PLEKHG2: variants seen among roughly 807,000 people sequenced by gnomAD.
PLEKHG2 encodes pleckstrin homology domain-containing family G member 2.
In PLEKHG2, 71 loss-of-function variants were observed where a neutral mutation model predicts 104.4. The observed-to-expected ratio is 0.68, with a 90% CI of 0.56 to 0.83. The LOEUF is 0.83. PLEKHG2 is among the 40% of genes least tolerant of loss of function. The pLI, the probability that PLEKHG2 is intolerant of heterozygous loss-of-function variation, is 0.00. For synonymous variants in PLEKHG2, 728 were observed against 737.0 expected (o/e 0.99, Z 0.20); for missense variants, 1,730 against 1,809.4 (o/e 0.96, Z 0.80).
intron 11 of PLEKHG2, among the ~76,000 whole-genome samples, chr19:39,419,752 C>T (rs1268051321): frequency 2.0e-5 from 3 of 152,096 alleles, no homozygotes; most frequent in Non-Finnish European, 4.4e-5. Context: ...TGGCAGGTGC[C>T]CGTAGTCCCA....
chr19:39,416,859 C>T lies in PLEKHG2; in HGVS notation c.603C>T (p.Ala201=), dbSNP rs2078613324. 1 of 1,605,996 alleles carries T rather than the reference C, an allele frequency of 6.2e-7. No individual in the cohort carries two copies. The highest frequency in any genetic ancestry group is 1.3e-5 in the African/African-American group (1 of 74,726). The change falls in exon 7 of 19, where the codon GCC becomes GCT. Residue 201 remains alanine (A), a synonymous_variant. Coordinates refer to ENST00000425673, the MANE Select transcript of PLEKHG2 (RefSeq NM_022835.3). The surrounding 1 kb of genome is among the most constrained non-coding windows in gnomAD (Gnocchi z 4.5). ...LYCMNYPSSL[A]LLRELSLSPP... ...TGTGCTGTGCCCCCAGCTCCCTGGC[C>T]CTGCTCCGGGAGCTGTCGTTGTCTC...
Position 39,416,802 on chromosome 19 carries a change from C to T in PLEKHG2, c.594-48C>T. 6.4e-7 allele frequency: 1 copy of T among 1,554,262 alleles called. No individual in the cohort carries two copies. The highest frequency in any genetic ancestry group is 1.2e-5 in the South Asian group (1 of 82,846). On this transcript the variant is annotated intron_variant, in intron 6 of 18. Coordinates refer to ENST00000425673, the MANE Select transcript of PLEKHG2 (RefSeq NM_022835.3). This position sits in a 1 kb window ranked among gnomAD's most constrained non-coding sequence, Gnocchi z 4.5. ...GGCCCCTCCCTAACCCCTCTTGACC[C>T]CGCCCACTGGAACTGACAATCCCCA... is the stretch of plus-strand genomic sequence containing the variant.
chr19:39,425,097 C>T lies in PLEKHG2; in HGVS notation c.3964C>T (p.Gln1322Ter), dbSNP rs2146024411. 2 of 1,588,670 alleles carry T rather than the reference C, an allele frequency of 1.3e-6. No homozygotes were observed. Among genetic ancestry groups the T allele is most frequent in the African/African-American group, 1.3e-5 (1 of 74,248 alleles). The change falls in exon 19 of 19, where the codon CAG becomes TAG. Residue 1322 changes from glutamine (Q) to a stop codon, truncating the protein, a stop_gained. Transcript: ENST00000425673. LOFTEE classifies it high-confidence loss of function. The part of the protein sequence containing the change: ...PTSRASSPPP[Q>*]PQPPPPPARR... ...GTCACGGGCATCTTCGCCGCCCCCCCAGCCCCAGCCACCACCTCCCCCAGC... is the reference window on the plus strand; with the variant it reads ...GTCACGGGCATCTTCGCCGCCCCCCTAGCCCCAGCCACCACCTCCCCCAGC...
In PLEKHG2 at chr19:39,423,596, C is replaced by T. The variant is rs955652324; in HGVS notation, c.2542C>T (p.Arg848Trp). The change falls in exon 18 of 19, where the codon CGG becomes TGG. Residue 848 changes from arginine to tryptophan, a missense_variant. By Grantham distance (101) the Arg-to-Trp change is moderately radical (BLOSUM62 -3). Transcript: ENST00000425673. The stretch of plus-strand genomic sequence containing the variant: ...AGCCAATGCCCCGCGCCGCCGGCCT[C>T]GGGTTCTGGCCCAACCCCAGCCATC... ...ASANAPRRRP[R>W]VLAQPQPSPC... 18 of 1,533,818 alleles carry T rather than the reference C, an allele frequency of 1.2e-5. No homozygotes were observed. The highest frequency in any genetic ancestry group is 1.8e-4 in the Middle Eastern group (1 of 5,666).
rs372334283 is a variant in PLEKHG2, at chr19:39,415,455, G to A, written c.479+16G>A. On this transcript the variant is annotated intron_variant, in intron 4 of 18. Coordinates refer to ENST00000425673, the MANE Select transcript of PLEKHG2 (RefSeq NM_022835.3). This position sits in a 1 kb window ranked among gnomAD's most constrained non-coding sequence, Gnocchi z 4.6. The stretch of plus-strand genomic sequence containing the variant: ...AGTTCAGCAGGTCAGGGGCAGGGGG[G>A]ACAGGCAGGGGGCATTGATTGGTTG... 3 of 1,613,180 alleles carry A rather than the reference G, an allele frequency of 1.9e-6. No homozygotes were observed. Among genetic ancestry groups the A allele is most frequent in the South Asian group, 1.1e-5 (1 of 91,012 alleles).
At chr19:39,421,572 C>A in intron 16 of PLEKHG2, 1 of 498,704 alleles carries the variant, frequency 2.0e-6, no homozygotes, top group Admixed American at 3.2e-5. Flanking sequence ...CCCATAGTCC[C>A]AGCTACTCAG....
Position 39,422,219 on chromosome 19 carries a change from C to A in PLEKHG2, c.1608C>A (p.Asp536Glu), listed in dbSNP as rs774006462. 3 of 1,613,876 alleles carry A rather than the reference C, an allele frequency of 1.9e-6. No individual in the cohort carries two copies. Among genetic ancestry groups the A allele is most frequent in the African/African-American group, 1.3e-5 (1 of 74,998 alleles). ...DLEDAGPPTL[D>E]PSGTSITEEI... is the part of the protein sequence containing the mutation. ...AGGATGCTGGACCCCCAACACTGGA[C>A]CCCTCTGGGACCTCAATCACTGAAG... The change falls in exon 17 of 19, where the codon GAC becomes GAA. Residue 536 changes from aspartate (D) to glutamate (E), a missense_variant. Physicochemically the swap from Asp to Glu is conservative, Grantham distance 45 (BLOSUM62 2). Transcript: ENST00000425673.
intron 2 of PLEKHG2, 114 bp downstream of exon 2, chr19:39,414,309 G>A: frequency 1.8e-6 from 2 of 1,119,538 alleles, no homozygotes; most frequent in South Asian, 2.9e-5. Context: ...CTCCGAGTCT[G>A]GTGGGGAAGG....
At position 39,425,158 on chromosome 19, in the gene PLEKHG2, A is replaced by C. The variant is rs1290443719; in HGVS notation, c.4025A>C (p.His1342Pro). ...RLSYATTVNI[H>P]VGGGGRLRPA... ...AGCTATGCCACGACGGTTAACATCC[A>C]CGTGGGCGGGGGTGGGCGGCTGCGG... The change falls in exon 19 of 19, where the codon CAC (histidine) becomes CCC (proline). Residue 1342 changes from histidine to proline, a missense_variant. Physicochemically the swap from His to Pro is moderately conservative, Grantham distance 77 (BLOSUM62 -2). Coordinates refer to ENST00000425673, the MANE Select transcript of PLEKHG2 (RefSeq NM_022835.3). 1 of 1,596,112 alleles carries C rather than the reference A, an allele frequency of 6.3e-7. No homozygotes were observed.
chr19:39,415,526 G>A lies in PLEKHG2; in HGVS notation c.479+87G>A. 5 of 1,412,124 alleles carry A rather than the reference G, an allele frequency of 3.5e-6. No individual in the cohort carries two copies. Among genetic ancestry groups the A allele is most frequent in the Non-Finnish European group, 4.9e-6 (5 of 1,024,806 alleles). 87.5% of individuals were successfully genotyped at this position (1,412,124 alleles called of 1,614,324 possible). On this transcript the variant is annotated intron_variant, in intron 4 of 18. Coordinates refer to ENST00000425673, the MANE Select transcript of PLEKHG2 (RefSeq NM_022835.3). This position sits in a 1 kb window ranked among gnomAD's most constrained non-coding sequence, Gnocchi z 4.6. ...AAACCTCGGAGCTTCGTAGTGTCCT[G>A]TCCAGGCTGGTACGTGGGGTTGTGA...
Position 39,424,304 on chromosome 19 carries a change from G to A in PLEKHG2, c.3171G>A (p.Lys1057=), listed in dbSNP as rs761652641. ...SESPTNIPLT[K]QGGSRDVQGP... The stretch of plus-strand genomic sequence containing the variant: ...GCCCAACCAATATCCCACTGACAAA[G>A]CAAGGAGGTTCCAGGGATGTTCAGG... Residue 1057 remains lysine, a synonymous_variant, in exon 19 of 19, where the codon AAG becomes AAA. Coordinates refer to ENST00000425673, the MANE Select transcript of PLEKHG2 (RefSeq NM_022835.3). 4.3e-6 allele frequency: 7 copies of A among 1,614,056 alleles called. No homozygotes were observed. In the African/African-American group the frequency reaches 9.3e-5, roughly 22 times the overall value.
In PLEKHG2 at chr19:39,424,185, A is replaced by T. The variant is rs1410799373; in HGVS notation, c.3052A>T (p.Thr1018Ser). ...ACACTGTGCGGACATCCACGTTCCC[A>T]CCACTCCAGCTTTGCCCAAGGAGAT... ...QGHCADIHVP[T>S]TPALPKEICS... is the part of the protein sequence containing the mutation. The change falls in exon 19 of 19, where the codon ACC becomes TCC. Residue 1018 changes from threonine (T) to serine (S), a missense_variant. Coordinates refer to ENST00000425673, the MANE Select transcript of PLEKHG2 (RefSeq NM_022835.3). 1 of 1,613,838 alleles carries T rather than the reference A, an allele frequency of 6.2e-7. No individual in the cohort carries two copies. The highest frequency in any genetic ancestry group is 8.5e-7 in the Non-Finnish European group (1 of 1,179,962).
rs1221490300 is a variant in PLEKHG2 at position 39,426,003 on chromosome 19, C to T, written c.*709C>T. The T allele has an allele frequency of 1.3e-5, 2 of 152,380 alleles. No individual in the cohort carries two copies. Among genetic ancestry groups the T allele is most frequent in the Non-Finnish European group, 2.9e-5 (2 of 68,116 alleles). The allele number at this position is 152,380 out of a possible 1,614,324, so 9.4% of individuals were successfully genotyped here. ...CATCTTCCCACTTACCCATCTTCTCCATCCAGCACTCCGTTCATCAGTCCG... is the reference window on the plus strand; with the variant it reads ...CATCTTCCCACTTACCCATCTTCTCTATCCAGCACTCCGTTCATCAGTCCG... On this transcript the variant is annotated 3_prime_UTR_variant, in exon 19 of 19. Coordinates refer to ENST00000425673, the MANE Select transcript of PLEKHG2 (RefSeq NM_022835.3).
chr19:39,418,848 G>C lies in PLEKHG2; in HGVS notation c.1176+22G>C, dbSNP rs756708100. 6.3e-6 allele frequency: 10 copies of C among 1,599,412 alleles called. No homozygotes were observed. In the South Asian group the frequency reaches 1.1e-4, roughly 18 times the overall value. On this transcript the variant is annotated intron_variant, in intron 10 of 18. Coordinates refer to ENST00000425673, the MANE Select transcript of PLEKHG2 (RefSeq NM_022835.3). ...CCAGGTGAGCATGTAGTGGGATCAG[G>C]CTGGCAGGGATCCCCCAGCCTCGAG...
chr19:39,418,887 C>A (rs752465432), intron 10 of PLEKHG2, 30 bp from the exon 11 acceptor site: 6 of 1,597,186 alleles, frequency 3.8e-6, no homozygotes, highest in Middle Eastern at 1.7e-4. Flanking sequence ...TCACACCTGG[C>A]CCCCTGACTC....
chr19:39,426,550 A>C lies in PLEKHG2; in HGVS notation c.*1256A>C, dbSNP rs1208277699. 1 of 152,224 alleles carries C rather than the reference A, an allele frequency of 6.6e-6. No individual in the cohort carries two copies. The allele number at this position is 152,224 out of a possible 1,614,324, so 9.4% of individuals were successfully genotyped here. ...TTGTGCTTTAGCACATTATTTATGT[A>C]AGCTCCCCTAGGATTCTCTGAAGCA... On this transcript the variant is annotated 3_prime_UTR_variant, in exon 19 of 19. Transcript: ENST00000425673.
In PLEKHG2 at chr19:39,424,279, G is replaced by A. The variant is rs752081945; in HGVS notation, c.3146G>A (p.Ser1049Asn). Reference sequence around the variant, plus strand: ...CAAGAAGGTCACCTAGACAGCGAGAGCCCAACCAATATCCCACTGACAAAG... The same window carrying A: ...CAAGAAGGTCACCTAGACAGCGAGAACCCAACCAATATCCCACTGACAAAG... ...PKQEGHLDSE[S>N]PTNIPLTKQG... Residue 1049 changes from serine to asparagine, a missense_variant, in exon 19 of 19, where the codon AGC becomes AAC. Transcript: ENST00000425673. 9.3e-6 allele frequency: 15 copies of A among 1,613,980 alleles called. No individual in the cohort carries two copies. Among genetic ancestry groups the A allele is most frequent in the African/African-American group, 8.0e-5 (6 of 74,876 alleles).
At chr19:39,421,381 G>A in intron 16 of PLEKHG2, 82 bp downstream of exon 16, 1 of 1,458,664 alleles carries the variant, frequency 6.9e-7, no homozygotes, top group Non-Finnish European at 9.5e-7. Context: ...CAAAATCCTG[G>A]GTCTGAATGA....
chr19:39,423,153 A>G lies in PLEKHG2; in HGVS notation c.2099A>G (p.Gln700Arg). 6.2e-7 allele frequency: 1 copy of G among 1,613,546 alleles called. No homozygotes were observed. The highest frequency in any genetic ancestry group is 8.5e-7 in the Non-Finnish European group (1 of 1,179,578). Residue 700 changes from glutamine (Q) to arginine (R), a missense_variant, in exon 18 of 19, where the codon CAG becomes CGG. By Grantham distance (43) the Gln-to-Arg change is conservative. Transcript: ENST00000425673. ...GACTCCTGGCTCCAAGGGCCTCTGCAGGAACCAGCTGAGGCTCCAGCCACC... is the reference window on the plus strand; with the variant it reads ...GACTCCTGGCTCCAAGGGCCTCTGCGGGAACCAGCTGAGGCTCCAGCCACC... The part of the protein sequence containing the change: ...SCDSWLQGPL[Q>R]EPAEAPATRR...
Sources: gnomAD v4.1 joint callset for allele counts (sites outside exome capture counted in the v4.1 genomes callset) on GRCh38, gnomAD v4.1.1 for gene constraint, Gnocchi (gnomAD v3.1) non-coding constraint, MANE v1.5 for transcripts, NCBI Gene and HGNC (gene_info 2026-07-23, HGNC 2026-07-21) for gene names.